PRKG1: variants seen among roughly 807,000 people sequenced by gnomAD.
The protein encoded by PRKG1 is cGMP-dependent protein kinase 1.
Under a neutral mutation model 88.1 loss-of-function variants are expected in PRKG1, and 35 were observed. The ratio of observed to expected loss-of-function variants is 0.40; its 90% CI spans 0.30 to 0.53. The LOEUF (loss-of-function observed/expected upper bound fraction) is 0.53. PRKG1 is among the 20% of genes least tolerant of loss of function. The probability of loss-of-function intolerance (pLI) is 0.59; values close to 1 mark genes in which losing one functional copy is unlikely to be tolerated. For missense variants in PRKG1, 540 were observed against 839.8 expected (o/e 0.64, Z 4.41); for synonymous variants, 303 against 292.5 (o/e 1.04, Z -0.37).
intron 3 of PRKG1, among the ~76,000 whole-genome samples, chr10:51,574,076 G>A (rs752658218): frequency 1.5e-4 from 23 of 151,852 alleles, no homozygotes; most frequent in Non-Finnish European, 5.9e-5. Context: ...TCTGGCCCCA[G>A]GAATTCAAAA....
chr10:51,990,470 T>C (rs1189190409), intron 5 of PRKG1, among the ~76,000 whole-genome samples: 1 of 152,146 alleles, frequency 6.6e-6, no homozygotes, highest in Non-Finnish European at 1.5e-5. Flanking sequence ...GATCGTAGTA[T>C]TTCTTTACTT....
At chr10:51,648,764 C>G (rs1391640306) in intron 3 of PRKG1, among the ~76,000 whole-genome samples, 1 of 152,210 alleles carries the variant, frequency 6.6e-6, no homozygotes, top group East Asian at 1.9e-4. Context: ...AATGTCTAAA[C>G]TTCATCCTTC....
intron 2 of PRKG1, among the ~76,000 whole-genome samples, chr10:51,240,027 A>G (rs1451050518): frequency 1.3e-5 from 2 of 152,238 alleles, no homozygotes; most frequent in Non-Finnish European, 1.5e-5. Flanking sequence ...AAGGGCCCAC[A>G]TGGCTCCCAG....
chr10:51,808,040 T>G (rs1440768825), intron 4 of PRKG1, among the ~76,000 whole-genome samples: 2 of 152,128 alleles, frequency 1.3e-5, no homozygotes, highest in Non-Finnish European at 2.9e-5. Context: ...TTGGTACCAT[T>G]TATTTTTCAA....
chr10:52,215,037 CA>C lies in PRKG1; in HGVS notation c.1077-36518del, dbSNP rs5784912. On this transcript the variant is annotated intron_variant, in intron 9 of 17. Coordinates refer to ENST00000373980, the MANE Select transcript of PRKG1 (RefSeq NM_006258.4). Reference sequence around the variant, plus strand: ...GTTAAAATAATGATAAAAGTTTTTTCAAAAAAAAAAAAAAATGCCAGCATGA... The same window carrying C: ...GTTAAAATAATGATAAAAGTTTTTTCAAAAAAAAAAAAAATGCCAGCATGA... Among the ~76,000 whole-genome samples the C allele has an allele frequency of 8.0e-3, 1,075 of 133,924 alleles. 5 individuals are homozygous for C. Among genetic ancestry groups the C allele is most frequent in the Middle Eastern group, 0.02 (5 of 250 alleles). 87.9% of individuals were successfully genotyped at this position (133,924 alleles called of 152,430 possible).
chr10:51,133,420 C>CTATG (rs1221134956), intron 1 of PRKG1, among the ~76,000 whole-genome samples: 1 of 152,132 alleles, frequency 6.6e-6, no homozygotes, highest in Non-Finnish European at 1.5e-5. Flanking sequence ...AACCATTGTT[C>CTATG]TATGTATTGT....
intron 2 of PRKG1, among the ~76,000 whole-genome samples, chr10:51,318,094 A>G (rs1409430747): frequency 6.6e-6 from 1 of 152,188 alleles, no homozygotes; most frequent in Non-Finnish European, 1.5e-5. Context: ...ATTATCCACT[A>G]GACTGGGAAC....
At chr10:51,491,501 A>G (rs1252331557) in intron 3 of PRKG1, among the ~76,000 whole-genome samples, 1 of 152,102 alleles carries the variant, frequency 6.6e-6, no homozygotes, top group East Asian at 1.9e-4. Context: ...AACCCATTTG[A>G]CAGATGAAGG....
intron 2 of PRKG1, among the ~76,000 whole-genome samples, chr10:51,274,296 C>A (rs971161606): frequency 6.6e-6 from 1 of 152,130 alleles, no homozygotes. Context: ...TTTCCTAGAT[C>A]CTGTAGACTT....
intron 3 of PRKG1, among the ~76,000 whole-genome samples, chr10:51,783,105 A>G (rs1224116239): frequency 6.6e-6 from 1 of 152,076 alleles, no homozygotes; most frequent in Admixed American, 6.6e-5. Context: ...AAATAAAACT[A>G]TTCTACCCCA....
chr10:51,696,031 T>C (rs973214770), intron 3 of PRKG1: 2 of 152,176 alleles, frequency 1.3e-5, no homozygotes, highest in Non-Finnish European at 2.9e-5. Context: ...AGTAGCACAA[T>C]GTGATAAGCT....
At chr10:52,207,526 A>C (rs1255549747) in intron 9 of PRKG1, among the ~76,000 whole-genome samples, 1 of 152,134 alleles carries the variant, frequency 6.6e-6, no homozygotes, top group Non-Finnish European at 1.5e-5. Context: ...CTAGAAGTAC[A>C]TGGTGAGCCT....
At chr10:51,064,508 T>TA (rs1843726943) in intron 1 of PRKG1, among the ~76,000 whole-genome samples, 1 of 152,110 alleles carries the variant, frequency 6.6e-6, no homozygotes, top group Non-Finnish European at 1.5e-5. Flanking sequence ...TTTGACTTTT[T>TA]ATCTTCAAAT....
chr10:52,084,784 G>T (rs1370495639), intron 7 of PRKG1, among the ~76,000 whole-genome samples: 2 of 152,034 alleles, frequency 1.3e-5, no homozygotes, highest in Admixed American at 6.6e-5. Flanking sequence ...TTTGCAAGTT[G>T]TCTCAATAAT....
At chr10:51,126,722 C>T (rs1026599352) in intron 1 of PRKG1, among the ~76,000 whole-genome samples, 1 of 151,992 alleles carries the variant, frequency 6.6e-6, no homozygotes, top group African/African-American at 2.4e-5. Context: ...AACTATACTA[C>T]AAGGCTACAG....
intron 3 of PRKG1, among the ~76,000 whole-genome samples, chr10:51,534,717 T>A (rs1292943137): frequency 6.6e-6 from 1 of 151,168 alleles, no homozygotes. Flanking sequence ...CAGATCATGG[T>A]TCATGGTTGC....
chr10:52,264,424 C>T (rs1841519991), intron 10 of PRKG1, among the ~76,000 whole-genome samples: 1 of 151,680 alleles, frequency 6.6e-6, no homozygotes. Context: ...TCTTTTCTTC[C>T]TTTGCAGAAC....
intron 1 of PRKG1, among the ~76,000 whole-genome samples, chr10:51,008,420 G>A (rs73334845): frequency 0.026 from 3,912 of 152,260 alleles, 65 homozygotes; most frequent in East Asian, 0.042. Context: ...CTAGAAGTTC[G>A]AATTCAAGGT....
chr10:51,393,160 A>G (rs1205255807), intron 2 of PRKG1, among the ~76,000 whole-genome samples: 29 of 144,140 alleles, frequency 2.0e-4, no homozygotes, highest in Non-Finnish European at 4.1e-4. Context: ...CCGGGCAGAG[A>G]CGCTCCTCAC....
Sources: allele counts gnomAD v4.1 joint callset (sites outside exome capture counted in the v4.1 genomes callset), GRCh38; gene constraint gnomAD v4.1.1; transcripts MANE v1.5; gene names NCBI Gene and HGNC (gene_info 2026-07-23, HGNC 2026-07-21).